Variants in AP2M1 observed in about 807,000 individuals in gnomAD.
The protein encoded by AP2M1 is adaptor related protein complex 2 subunit mu 1.
Under a neutral mutation model 54.5 loss-of-function variants are expected in AP2M1, and 5 were observed. The ratio of observed to expected loss-of-function variants is 0.09; its 90% CI spans 0.05 to 0.19. The LOEUF (loss-of-function observed/expected upper bound fraction) is 0.19. Among genes scored for constraint, AP2M1 ranks in the 10% least tolerant of loss-of-function variants. AP2M1 has a pLI of 1.00. For synonymous variants in AP2M1, 186 were observed against 208.2 expected, an observed-to-expected ratio of 0.89 and a Z score of 0.92; for missense variants, 178 against 580.2, an observed-to-expected ratio of 0.31 and a Z score of 7.12.
chr3:184,182,690 A>C lies in AP2M1; in HGVS notation c.1062-67A>C. 5 of 1,429,028 alleles carry C rather than the reference A, an allele frequency of 3.5e-6. No homozygotes were observed. The highest frequency in any genetic ancestry group is 4.9e-6 in the Non-Finnish European group (5 of 1,020,868). The allele number at this position is 1,429,028 out of a possible 1,614,324, so 88.5% of individuals were successfully genotyped here. A position where few individuals can be genotyped will look rare whatever the true frequency, so the allele number is the denominator to read the frequency against. On this transcript the variant is annotated intron_variant, in intron 10 of 11. Transcript: ENST00000292807. This position sits in a 1 kb window ranked among gnomAD's most constrained non-coding sequence, Gnocchi z 5.5. Reference sequence around the variant, plus strand: ...AGCTCCTGGGCTCTCTCCTTGCTTGAAATGGGCAACTGCCCTTGAAACTCC... The same window carrying C: ...AGCTCCTGGGCTCTCTCCTTGCTTGCAATGGGCAACTGCCCTTGAAACTCC...
At position 184,178,229 on chromosome 3, in the gene AP2M1, C is replaced by T. The variant is rs911226440; in HGVS notation, c.75-628C>T. 51 of 1,535,970 alleles carry T rather than the reference C, an allele frequency of 3.3e-5. No homozygotes were observed. The highest frequency in any genetic ancestry group is 7.1e-5 in the South Asian group (6 of 84,072). ...ATTGGCTGCCGTAGCAATAGGTAAG[C>T]GGCCTCTCAAGCTGCTGCCCAGGTA... On this transcript the variant is annotated intron_variant, in intron 2 of 11. Coordinates refer to ENST00000292807, the MANE Select transcript of AP2M1 (RefSeq NM_004068.4). This position sits in a 1 kb window ranked among gnomAD's most constrained non-coding sequence, Gnocchi z 4.9.
In AP2M1 at chr3:184,183,124, G is replaced by C. The variant is rs976367940; in HGVS notation, c.1173+256G>C. ...AAAAACTTAGATTGTTTAAATGCCA[G>C]GTAAGACACAAAGTTTACTTACAGA... On this transcript the variant is annotated intron_variant, in intron 11 of 11. Transcript: ENST00000292807. The surrounding 1 kb of genome is among the most constrained non-coding windows in gnomAD (Gnocchi z 5.7). 8.8e-6 allele frequency: 5 copies of C among 566,772 alleles called. No homozygotes were observed. Among genetic ancestry groups the C allele is most frequent in the Admixed American group, 6.0e-5 (2 of 33,494 alleles). The allele number at this position is 566,772 out of a possible 1,614,324, so 35.1% of individuals were successfully genotyped here.
Position 184,182,847 on chromosome 3 carries a change from C to T in AP2M1, c.1152C>T (p.Pro384=), listed in dbSNP as rs749476004. The stretch of plus-strand genomic sequence containing the variant: ...ACGACAAGAAGAAATGGGCTCGACC[C>T]CCCATTTCCATGAACTTTGAGGTAT... ...PTNDKKKWAR[P]PISMNFEVPF... The change falls in exon 11 of 12, where the codon CCC becomes CCT. Residue 384 remains proline, a synonymous_variant. Coordinates refer to ENST00000292807, the MANE Select transcript of AP2M1 (RefSeq NM_004068.4). The surrounding 1 kb of genome is among the most constrained non-coding windows in gnomAD (Gnocchi z 5.5). 26 of 1,613,880 alleles carry T rather than the reference C, an allele frequency of 1.6e-5. No homozygotes were observed. Among genetic ancestry groups the T allele is most frequent in the Non-Finnish European group, 2.2e-5 (26 of 1,179,974 alleles).
rs1165763612 is a variant in AP2M1, at chr3:184,182,287, A to T, written c.1061+39A>T. ...TCATTAGGCCACAGCAGGGCTCAAG[A>T]TCCCAGTATACCCTCTTGTTTTCAG... On this transcript the variant is annotated intron_variant, in intron 10 of 11. Transcript: ENST00000292807. The surrounding 1 kb of genome is among the most constrained non-coding windows in gnomAD (Gnocchi z 5.5). 6.3e-7 allele frequency: 1 copy of T among 1,595,648 alleles called. No individual in the cohort carries two copies. Among genetic ancestry groups the T allele is most frequent in the Non-Finnish European group, 8.6e-7 (1 of 1,168,642 alleles).
In AP2M1 at chr3:184,181,304, T is replaced by G; in HGVS notation, c.707+78T>G. The G allele has an allele frequency of 1.3e-6, 2 of 1,585,910 alleles. No individual in the cohort carries two copies. The highest frequency in any genetic ancestry group is 1.7e-6 in the Non-Finnish European group (2 of 1,163,058). On this transcript the variant is annotated intron_variant, in intron 7 of 11. Transcript: ENST00000292807. The surrounding 1 kb of genome is among the most constrained non-coding windows in gnomAD (Gnocchi z 5.7). ...GGGGTCTAGTGAACCACAAGTTTCT[T>G]CTGGATTTCATTCCCACTGTAATTG... is the stretch of plus-strand genomic sequence containing the variant.
chr3:184,181,651 G>C lies in AP2M1; in HGVS notation c.708-45G>C. 3 of 1,606,954 alleles carry C rather than the reference G, an allele frequency of 1.9e-6. No individual in the cohort carries two copies. The highest frequency in any genetic ancestry group is 2.6e-6 in the Non-Finnish European group (3 of 1,176,018). On this transcript the variant is annotated intron_variant, in intron 7 of 11. Coordinates refer to ENST00000292807, the MANE Select transcript of AP2M1 (RefSeq NM_004068.4). The surrounding 1 kb of genome is among the most constrained non-coding windows in gnomAD (Gnocchi z 5.7). Reference sequence around the variant, plus strand: ...GGAGTGGTCTCCCAGCATGACAGCTGTCATTCTCCTGTACCAATGAGACCT... The same window carrying C: ...GGAGTGGTCTCCCAGCATGACAGCTCTCATTCTCCTGTACCAATGAGACCT...
Position 184,180,837 on chromosome 3 carries a change from G to C in AP2M1, c.430-12G>C. ...AGTGAGGCCATTGCTGTTTGTTTCT[G>C]CCCTCATGTAGACAAAAGAAGAGCA... On this transcript the variant is annotated splice_polypyrimidine_tract_variant and intron_variant, in intron 5 of 11. Transcript: ENST00000292807. The surrounding 1 kb of genome is among the most constrained non-coding windows in gnomAD (Gnocchi z 4.9). 3 of 1,614,206 alleles carry C rather than the reference G, an allele frequency of 1.9e-6. No individual in the cohort carries two copies. Among genetic ancestry groups the C allele is most frequent in the Non-Finnish European group, 2.5e-6 (3 of 1,180,048 alleles).
intron 2 of AP2M1, chr3:184,177,922 G>A (rs1715130011): frequency 1.7e-6 from 1 of 598,338 alleles, no homozygotes; most frequent in South Asian, 2.0e-5. Flanking sequence ...CTTGGCCCTT[G>A]CGGGCGTTTG....
Position 184,178,017 on chromosome 3 carries a change from A to ACCCC in AP2M1, c.75-839_75-836dup. ...CTGAACCTGGCTGGCTACACCCCCC[A>ACCCC]CCCCAGACCCCCTCCTGCCTTGGAT... On this transcript the variant is annotated intron_variant, in intron 2 of 11. Coordinates refer to ENST00000292807, the MANE Select transcript of AP2M1 (RefSeq NM_004068.4). This position sits in a 1 kb window ranked among gnomAD's most constrained non-coding sequence, Gnocchi z 4.9. 1 of 490,370 alleles carries ACCCC rather than the reference A, an allele frequency of 2.0e-6. No individual in the cohort carries two copies. Among genetic ancestry groups the ACCCC allele is most frequent in the Non-Finnish European group, 3.8e-6 (1 of 261,864 alleles). 30.4% of individuals were successfully genotyped at this position (490,370 alleles called of 1,614,324 possible). A position where few individuals can be genotyped will look rare whatever the true frequency, so the allele number is the denominator to read the frequency against.
In AP2M1 at chr3:184,178,742, G is replaced by A; in HGVS notation, c.75-115G>A. ...TTTAGGCATTGGCTTTCTTTGGAGT[G>A]TGTGTGTCAGACTTCTGCAGAAAGG... On this transcript the variant is annotated intron_variant, in intron 2 of 11. Coordinates refer to ENST00000292807, the MANE Select transcript of AP2M1 (RefSeq NM_004068.4). This position sits in a 1 kb window ranked among gnomAD's most constrained non-coding sequence, Gnocchi z 4.9. 2 of 1,314,222 alleles carry A rather than the reference G, an allele frequency of 1.5e-6. No homozygotes were observed. The highest frequency in any genetic ancestry group is 1.4e-5 in the South Asian group (1 of 69,658). 81.4% of individuals were successfully genotyped at this position (1,314,222 alleles called of 1,614,324 possible).
chr3:184,177,928 G>T, intron 2 of AP2M1: 1 of 599,358 alleles, frequency 1.7e-6, no homozygotes. Flanking sequence ...CCTTGCGGGC[G>T]TTTGTCCATT....
intron 2 of AP2M1, chr3:184,177,530 C>T: frequency 1.3e-6 from 2 of 1,535,568 alleles, no homozygotes; most frequent in Non-Finnish European, 1.7e-6. Context: ...TCCTCTCCTG[C>T]TCCCTTTCTC....
chr3:184,176,921 C>G, intron 1 of AP2M1, 30 bp from the exon 2 acceptor site: 1 of 1,513,006 alleles, frequency 6.6e-7, no homozygotes, highest in Non-Finnish European at 9.0e-7. Context: ...ATTCTGAGGT[C>G]TTCTTTTACC....
intron 2 of AP2M1, chr3:184,177,612 G>A (rs755297968): frequency 9.1e-6 from 14 of 1,535,762 alleles, no homozygotes; most frequent in East Asian, 2.4e-5. Flanking sequence ...GGCTGGAAGC[G>A]TGAGGCACTC....
At position 184,178,323 on chromosome 3, in the gene AP2M1, T is replaced by C. The variant is rs1401184411; in HGVS notation, c.75-534T>C. ...TTCATTCCCTCAACTTGCTCTGGAGTTGGATCCTGGGCAAGAATGGGTAGC... is the reference window on the plus strand; with the variant it reads ...TTCATTCCCTCAACTTGCTCTGGAGCTGGATCCTGGGCAAGAATGGGTAGC... On this transcript the variant is annotated intron_variant, in intron 2 of 11. Coordinates refer to ENST00000292807, the MANE Select transcript of AP2M1 (RefSeq NM_004068.4). The surrounding 1 kb of genome is among the most constrained non-coding windows in gnomAD (Gnocchi z 4.9). 1 of 1,424,250 alleles carries C rather than the reference T, an allele frequency of 7.0e-7. No individual in the cohort carries two copies. Among genetic ancestry groups the C allele is most frequent in the African/African-American group, 1.4e-5 (1 of 70,606 alleles). The allele number at this position is 1,424,250 out of a possible 1,614,324, so 88.2% of individuals were successfully genotyped here.
chr3:184,181,074 T>C lies in AP2M1; in HGVS notation c.566-11T>C, dbSNP rs2109031157. Reference sequence around the variant, plus strand: ...ACTCCGCTGCTCCCCATTTATCTGTTCCATCACCAGGGCAGGTGCTGAGTG... The same window carrying C: ...ACTCCGCTGCTCCCCATTTATCTGTCCCATCACCAGGGCAGGTGCTGAGTG... On this transcript the variant is annotated splice_polypyrimidine_tract_variant and intron_variant, in intron 6 of 11. Coordinates refer to ENST00000292807, the MANE Select transcript of AP2M1 (RefSeq NM_004068.4). This position sits in a 1 kb window ranked among gnomAD's most constrained non-coding sequence, Gnocchi z 5.7. The C allele has an allele frequency of 6.2e-7, 1 of 1,614,054 alleles. No individual in the cohort carries two copies. The highest frequency in any genetic ancestry group is 1.3e-5 in the African/African-American group (1 of 75,010).
intron 1 of AP2M1, among the ~76,000 whole-genome samples, chr3:184,175,476 A>G (rs1052207815): frequency 6.6e-6 from 1 of 151,942 alleles, no homozygotes; most frequent in African/African-American, 2.4e-5. Context: ...CCAAGGCGAA[A>G]AGCCTACCAC....
At position 184,180,404 on chromosome 3, in the gene AP2M1, C is replaced by T; in HGVS notation, c.423+153C>T. The T allele has an allele frequency of 4.6e-6, 5 of 1,086,124 alleles. No individual in the cohort carries two copies. The South Asian group carries it at 6.2e-5, about 13-fold the overall frequency. 67.3% of individuals were successfully genotyped at this position (1,086,124 alleles called of 1,614,324 possible). ...GCCATGATTGCAGGCCGATTTTGCT[C>T]TGTGTGGTCCTCCCACTGCAGGAGC... On this transcript the variant is annotated intron_variant, in intron 4 of 11. Coordinates refer to ENST00000292807, the MANE Select transcript of AP2M1 (RefSeq NM_004068.4). The surrounding 1 kb of genome is among the most constrained non-coding windows in gnomAD (Gnocchi z 4.9).
chr3:184,183,640 C>G lies in AP2M1; in HGVS notation c.*24C>G. ...AGCTGCCACTAGGCAGCTAGCCCACCTCCCCAGCCACCCTCCTCCACAGGT... is the reference window on the plus strand; with the variant it reads ...AGCTGCCACTAGGCAGCTAGCCCACGTCCCCAGCCACCCTCCTCCACAGGT... On this transcript the variant is annotated 3_prime_UTR_variant, in exon 12 of 12. Transcript: ENST00000292807. The surrounding 1 kb of genome is among the most constrained non-coding windows in gnomAD (Gnocchi z 5.7). 3 of 1,610,464 alleles carry G rather than the reference C, an allele frequency of 1.9e-6. No individual in the cohort carries two copies. Among genetic ancestry groups the G allele is most frequent in the Non-Finnish European group, 2.5e-6 (3 of 1,179,126 alleles).
Sources: allele counts gnomAD v4.1 joint callset (sites outside exome capture counted in the v4.1 genomes callset), GRCh38; gene constraint gnomAD v4.1.1; non-coding constraint Gnocchi (gnomAD v3.1); transcripts MANE v1.5; gene names NCBI Gene and HGNC (gene_info 2026-07-23, HGNC 2026-07-21).